The following CLSTN2 variants were observed in gnomAD, a reference collection of about 807,000 sequenced individuals.
CLSTN2 encodes the protein calsyntenin 2.
In CLSTN2, 48 loss-of-function variants were observed where a neutral mutation model predicts 101.2. The ratio of observed to expected loss-of-function variants is 0.47; its 90% CI spans 0.38 to 0.60. The LOEUF (loss-of-function observed/expected upper bound fraction) is 0.60, where lower values mean the gene tolerates loss of function less well. Among genes scored for constraint, CLSTN2 ranks in the 20% least tolerant of loss-of-function variants. The probability of loss-of-function intolerance (pLI) is 0.00; values close to 1 mark genes in which losing one functional copy is unlikely to be tolerated. For missense variants in CLSTN2, 1,160 were observed against 1,238.2 expected, an observed-to-expected ratio of 0.94 and a Z score of 0.95; for synonymous variants, 481 against 463.6, an observed-to-expected ratio of 1.04 and a Z score of -0.48.
chr3:140,366,753 G>A (rs778302397), intron 2 of CLSTN2, among the ~76,000 whole-genome samples: 7 of 152,180 alleles, frequency 4.6e-5, no homozygotes, highest in Non-Finnish European at 7.3e-5. Flanking sequence ...TCCAGCCAAG[G>A]TTGTTCCTAT....
intron 1 of CLSTN2, among the ~76,000 whole-genome samples, chr3:139,972,825 C>G (rs1326118721): frequency 1.3e-5 from 2 of 152,024 alleles, no homozygotes; most frequent in South Asian, 4.2e-4. Context: ...CCTGCCTGGC[C>G]CACAGGTGGC....
At chr3:140,034,353 A>C (rs1158267035) in intron 1 of CLSTN2, among the ~76,000 whole-genome samples, 1 of 152,214 alleles carries the variant, frequency 6.6e-6, no homozygotes, top group Non-Finnish European at 1.5e-5. Flanking sequence ...TATTTTAGTC[A>C]TTAACCTAGA....
chr3:140,161,036 A>G (rs1264418343), intron 1 of CLSTN2, among the ~76,000 whole-genome samples: 1 of 152,148 alleles, frequency 6.6e-6, no homozygotes, highest in African/African-American at 2.4e-5. Flanking sequence ...CACACGGAGC[A>G]CCTACCATGT....
chr3:140,161,493 A>G (rs2010046069), intron 1 of CLSTN2, among the ~76,000 whole-genome samples: 1 of 152,206 alleles, frequency 6.6e-6, no homozygotes, highest in South Asian at 2.1e-4. Flanking sequence ...CAGAGGCTCT[A>G]TTACCTACAC....
intron 2 of CLSTN2, among the ~76,000 whole-genome samples, chr3:140,226,721 C>A (rs1388702775): frequency 2.6e-5 from 4 of 152,102 alleles, no homozygotes; most frequent in African/African-American, 9.7e-5. Context: ...CAAGGCTGAG[C>A]AACTTACAAA....
intron 2 of CLSTN2, among the ~76,000 whole-genome samples, chr3:140,219,510 G>A (rs751722708): frequency 1.8e-4 from 27 of 152,124 alleles, no homozygotes; most frequent in Non-Finnish European, 3.7e-4. Flanking sequence ...TCTTGTTTCC[G>A]GAGTTCTTTT....
chr3:140,193,801 G>T (rs1156966407), intron 2 of CLSTN2, among the ~76,000 whole-genome samples: 1 of 151,900 alleles, frequency 6.6e-6, no homozygotes, highest in African/African-American at 2.4e-5. Flanking sequence ...AGTTCCATAG[G>T]TTCCTGAGGC....
rs144097651 is a variant in CLSTN2, at chr3:140,251,404, C to T, written c.232+75331C>T. On this transcript the variant is annotated intron_variant, in intron 2 of 16. Transcript: ENST00000458420. ...ATTGGTAATTTGCCTAGGTATTAAA[C>T]GCATATTTTGTGACTAAGAGTCTGA... 1.3e-4 allele frequency among the ~76,000 whole-genome samples: 20 copies of T among 152,230 alleles called. No homozygotes were observed. In the East Asian group the frequency reaches 3.1e-3, roughly 23 times the overall value.
intron 2 of CLSTN2, among the ~76,000 whole-genome samples, chr3:140,286,277 C>T (rs1000093414): frequency 8.5e-5 from 13 of 152,190 alleles, no homozygotes; most frequent in Non-Finnish European, 1.3e-4. Flanking sequence ...TGTGGTTTTC[C>T]GTCATTGATA....
chr3:140,029,624 T>C (rs914247206), intron 1 of CLSTN2, among the ~76,000 whole-genome samples: 2 of 152,218 alleles, frequency 1.3e-5, no homozygotes, highest in African/African-American at 2.4e-5. Flanking sequence ...GATTTGGGCC[T>C]GGGGAATATC....
chr3:140,484,180 A>G (rs894601959), intron 8 of CLSTN2, among the ~76,000 whole-genome samples: 2 of 152,092 alleles, frequency 1.3e-5, no homozygotes, highest in African/African-American at 4.8e-5. Flanking sequence ...ATCTCTCAGC[A>G]TTTGCTTGTC....
chr3:140,257,665 G>A (rs918161230), intron 2 of CLSTN2, among the ~76,000 whole-genome samples: 1 of 151,290 alleles, frequency 6.6e-6, no homozygotes, highest in Non-Finnish European at 1.5e-5. Context: ...GAATTTCTCG[G>A]TCATTAAAAA....
At chr3:140,456,518 G>A (rs11708189) in intron 6 of CLSTN2, among the ~76,000 whole-genome samples, 90,554 of 152,120 alleles carry the variant, frequency 0.6, 27,893 homozygotes, top group Middle Eastern at 0.79. Flanking sequence ...TATAGGCCAG[G>A]CGTAGTGCTC....
At chr3:140,311,907 T>A (rs770348019) in intron 2 of CLSTN2, among the ~76,000 whole-genome samples, 5 of 152,172 alleles carry the variant, frequency 3.3e-5, no homozygotes, top group African/African-American at 4.8e-5. Flanking sequence ...TTATCTTGAG[T>A]CGCATCTCTA....
intron 5 of CLSTN2, among the ~76,000 whole-genome samples, chr3:140,434,209 C>T (rs549537265): frequency 1.3e-5 from 2 of 152,304 alleles, no homozygotes; most frequent in African/African-American, 4.8e-5. Context: ...TCCCAGAGAT[C>T]CTGGTGGAGG....
At chr3:140,135,109 CACACACACATAT>C (rs1560105533) in intron 1 of CLSTN2, among the ~76,000 whole-genome samples, 4 of 52,508 alleles carry the variant, frequency 7.6e-5, no homozygotes, top group African/African-American at 2.4e-4. Context: ...CACACACACA[CACACACACATAT>C]ATATATATAT....
chr3:140,138,500 A>G (rs1200302338), intron 1 of CLSTN2, among the ~76,000 whole-genome samples: 2 of 152,208 alleles, frequency 1.3e-5, no homozygotes, highest in African/African-American at 4.8e-5. Flanking sequence ...CACAGTTGGC[A>G]AGGAGTTTAA....
At chr3:139,975,631 CTT>C (rs1430453003) in intron 1 of CLSTN2, among the ~76,000 whole-genome samples, 1 of 152,142 alleles carries the variant, frequency 6.6e-6, no homozygotes, top group African/African-American at 2.4e-5. Flanking sequence ...AATGAAACAA[CTT>C]GGGCTTCTTG....
intron 1 of CLSTN2, among the ~76,000 whole-genome samples, chr3:140,063,225 T>C (rs1328935053): frequency 6.6e-6 from 1 of 152,154 alleles, no homozygotes; most frequent in Non-Finnish European, 1.5e-5. Context: ...TATATTGCTA[T>C]GAGATTAGTG....
Sources: gnomAD v4.1 joint callset for allele counts (sites outside exome capture counted in the v4.1 genomes callset) on GRCh38, gnomAD v4.1.1 for gene constraint, MANE v1.5 for transcripts, NCBI Gene and HGNC (gene_info 2026-07-23, HGNC 2026-07-21) for gene names.